The following CELF2 variants were observed in gnomAD, a reference collection of about 807,000 sequenced individuals.
CELF2 encodes CUGBP Elav-like family member 2.
Under a neutral mutation model 62.6 loss-of-function variants are expected in CELF2, and 8 were observed. The ratio of observed to expected loss-of-function variants is 0.13; its 90% CI spans 0.07 to 0.23. The LOEUF (loss-of-function observed/expected upper bound fraction) is 0.23. CELF2 is among the 10% of genes least tolerant of loss of function. The probability of loss-of-function intolerance (pLI) is 1.00; values close to 1 mark genes in which losing one functional copy is unlikely to be tolerated. For missense variants in CELF2, 333 were observed against 671.0 expected (o/e 0.50, Z 5.56); for synonymous variants, 258 against 250.0 (o/e 1.03, Z -0.30).
the CELF2 span, among the ~76,000 whole-genome samples, chr10:10,586,452 C>T: frequency 9.9e-5 from 15 of 152,156 alleles, no homozygotes; most frequent in African/African-American, 3.6e-4. Context: ...AACACATACC[C>T]TAGTCCTTAA....
At chr10:11,312,938 G>C (rs1210144798) in intron 9 of CELF2, among the ~76,000 whole-genome samples, 1 of 152,054 alleles carries the variant, frequency 6.6e-6, no homozygotes, top group African/African-American at 2.4e-5. Context: ...TGTCTCAAAG[G>C]ACAGCAAGAA....
intron 1 of CELF2, among the ~76,000 whole-genome samples, chr10:10,909,383 G>A (rs1192144743): frequency 1.3e-5 from 2 of 152,170 alleles, no homozygotes; most frequent in Admixed American, 6.5e-5. Flanking sequence ...ACAGACAGCG[G>A]AAGTCCAGGG....
At chr10:10,475,101 G>A in the CELF2 span, among the ~76,000 whole-genome samples, 6 of 152,050 alleles carry the variant, frequency 3.9e-5, no homozygotes, top group South Asian at 2.1e-4. Flanking sequence ...GAAAAGATTC[G>A]TATAAGCCAT....
intron 1 of CELF2, among the ~76,000 whole-genome samples, chr10:10,887,556 T>C (rs534511779): frequency 1.3e-5 from 2 of 152,310 alleles, no homozygotes; most frequent in Admixed American, 6.5e-5. Flanking sequence ...CCAAAACCCA[T>C]GTTTGCATGA....
At chr10:10,919,001 T>A (rs1255647350) in intron 1 of CELF2, among the ~76,000 whole-genome samples, 1 of 152,162 alleles carries the variant, frequency 6.6e-6, no homozygotes, top group Non-Finnish European at 1.5e-5. Flanking sequence ...CCAGGTGCGG[T>A]GGCTCACACC....
At chr10:11,125,043 G>C (rs1292693720) in intron 1 of CELF2, among the ~76,000 whole-genome samples, 4 of 152,152 alleles carry the variant, frequency 2.6e-5, no homozygotes, top group Non-Finnish European at 2.9e-5. Context: ...TTCAGTCTAC[G>C]TGACTTCCTT....
intron 1 of CELF2, among the ~76,000 whole-genome samples, chr10:10,874,294 A>T (rs1013284476): frequency 1.3e-5 from 2 of 152,168 alleles, no homozygotes; most frequent in African/African-American, 4.8e-5. Flanking sequence ...CTCCAGCCTG[A>T]GTGACTTGAG....
rs1368755724 is a variant in CELF2 at position 11,244,332 on chromosome 10, G to A, written c.355-4821G>A. Among the ~76,000 whole-genome samples, 2 of 152,202 alleles carry A rather than the reference G, an allele frequency of 1.3e-5. No individual in the cohort carries two copies. The highest frequency in any genetic ancestry group is 4.8e-5 in the African/African-American group (2 of 41,452). ...TCACTGTTAGTCTTGTGCTTTAGGT[G>A]TCTTGTTTTCGGTGAATGTTCTTTT... On this transcript the variant is annotated intron_variant, in intron 3 of 12. Transcript: ENST00000633077. The surrounding 1 kb of genome is among the most constrained non-coding windows in gnomAD (Gnocchi z 4.2).
chr10:11,307,358 G>C (rs895152215), intron 9 of CELF2, among the ~76,000 whole-genome samples: 1 of 152,256 alleles, frequency 6.6e-6, no homozygotes, highest in Non-Finnish European at 1.5e-5. Flanking sequence ...GTGATTTCCT[G>C]CAAGGTGGGA....
chr10:10,535,676 G>A, the CELF2 span, among the ~76,000 whole-genome samples: 187 of 152,186 alleles, frequency 1.2e-3, 1 homozygote, highest in African/African-American at 3.6e-3. Flanking sequence ...CCGAGATAGC[G>A]CCACTGCACT....
the CELF2 span, among the ~76,000 whole-genome samples, chr10:10,767,939 T>TGAGCC: frequency 2.8e-5 from 3 of 107,752 alleles, no homozygotes; most frequent in Non-Finnish European, 5.1e-5. Flanking sequence ...GAGCTTGCAG[T>TGAGCC]GAGCCGAGAT....
rs146289318 is a variant in CELF2, at chr10:11,191,027, A to G, written c.271+25345A>G. ...TTTAATGCTGCTGACCTTCATGGAC[A>G]TCCTGGTCATGTGTACAGAAAACTT... is the stretch of plus-strand genomic sequence containing the variant. On this transcript the variant is annotated intron_variant, in intron 2 of 12. Coordinates refer to ENST00000633077, the MANE Select transcript of CELF2 (RefSeq NM_001326342.2). The surrounding 1 kb of genome is among the most constrained non-coding windows in gnomAD (Gnocchi z 4.1). Among the ~76,000 whole-genome samples the G allele has an allele frequency of 5.2e-3, 793 of 152,242 alleles. 8 individuals are homozygous for G. Among genetic ancestry groups the G allele is most frequent in the African/African-American group, 0.014 (599 of 41,554 alleles).
intron 1 of CELF2, among the ~76,000 whole-genome samples, chr10:10,838,917 G>A (rs1209858103): frequency 6.6e-6 from 1 of 151,910 alleles, no homozygotes; most frequent in Non-Finnish European, 1.5e-5. Context: ...AGGCGGGCAG[G>A]TCACGAGGTC....
At chr10:11,028,520 A>G (rs2059607725) in intron 1 of CELF2, among the ~76,000 whole-genome samples, 1 of 151,018 alleles carries the variant, frequency 6.6e-6, no homozygotes, top group African/African-American at 2.4e-5. Context: ...CCTGGGTTCA[A>G]GTGATTCTCT....
intron 1 of CELF2, among the ~76,000 whole-genome samples, chr10:11,113,985 T>G (rs1310133161): frequency 1.3e-5 from 2 of 152,208 alleles, no homozygotes; most frequent in African/African-American, 4.8e-5. Flanking sequence ...ACTAAAAATA[T>G]CAGCAGAAGG....
At chr10:10,558,759 C>T in the CELF2 span, among the ~76,000 whole-genome samples, 1 of 152,090 alleles carries the variant, frequency 6.6e-6, no homozygotes, top group African/African-American at 2.4e-5. Flanking sequence ...GTGGTTTAGT[C>T]TTGGGAGGGT....
chr10:10,795,480 C>G (rs2054089558), upstream of CELF2, among the ~76,000 whole-genome samples: 1 of 152,010 alleles, frequency 6.6e-6, no homozygotes. Flanking sequence ...TTTACTGTTG[C>G]CTTTCTGTGT....
chr10:10,980,868 A>T (rs1004612032), intron 2 of CELF2, among the ~76,000 whole-genome samples: 2 of 151,762 alleles, frequency 1.3e-5, no homozygotes, highest in African/African-American at 4.8e-5. Flanking sequence ...CAATCCTCCC[A>T]CCTTGGCCTC....
chr10:10,498,525 G>C, the CELF2 span, among the ~76,000 whole-genome samples: 1 of 152,210 alleles, frequency 6.6e-6, no homozygotes, highest in Non-Finnish European at 1.5e-5. Context: ...ATAGTGTAAG[G>C]AGACTGGTTA....
Sources: allele counts gnomAD v4.1 joint callset (sites outside exome capture counted in the v4.1 genomes callset), GRCh38; gene constraint gnomAD v4.1.1; non-coding constraint Gnocchi (gnomAD v3.1); transcripts MANE v1.5; gene names NCBI Gene and HGNC (gene_info 2026-07-23, HGNC 2026-07-21).